The following NRG1 variants were observed in gnomAD, a reference collection of about 807,000 sequenced individuals.
NRG1 encodes pro-neuregulin-1, membrane-bound isoform.
Under a neutral mutation model 63.8 loss-of-function variants are expected in NRG1, and 18 were observed. That is an observed-to-expected ratio of 0.28 (90% confidence interval 0.19 to 0.42). The LOEUF (loss-of-function observed/expected upper bound fraction) is 0.42, where lower values mean the gene tolerates loss of function less well. Among genes scored for constraint, NRG1 ranks in the 10% least tolerant of loss-of-function variants. The probability of loss-of-function intolerance (pLI) is 1.00; values close to 1 mark genes in which losing one functional copy is unlikely to be tolerated. For synonymous variants in NRG1, 302 were observed against 301.3 expected (o/e 1.00, Z -0.02); for missense variants, 762 against 814.7 (o/e 0.94, Z 0.79).
intron 1 of NRG1, among the ~76,000 whole-genome samples, chr8:32,149,053 A>G (rs139011696): frequency 6.6e-6 from 1 of 152,310 alleles, no homozygotes; most frequent in East Asian, 1.9e-4. Flanking sequence ...AGAGTCTACC[A>G]GTTATGTGGA....
At chr8:32,546,439 G>C (rs1259813693), upstream of NRG1, among the ~76,000 whole-genome samples, 1 of 152,020 alleles carries the variant, frequency 6.6e-6, no homozygotes, top group African/African-American at 2.4e-5. Context: ...CCCTTATGCT[G>C]TCTCACATCC....
At chr8:32,640,827 G>A (rs1852252237) in intron 5 of NRG1, among the ~76,000 whole-genome samples, 1 of 151,940 alleles carries the variant, frequency 6.6e-6, no homozygotes, top group African/African-American at 2.4e-5. Context: ...CAGGCGTGGT[G>A]GCTCACGACT....
chr8:32,608,615 C>T (rs1845762138), intron 3 of NRG1, among the ~76,000 whole-genome samples: 2 of 152,054 alleles, frequency 1.3e-5, no homozygotes, highest in African/African-American at 4.8e-5. Context: ...GATTCTATGG[C>T]GAAGAACTAG....
intron 1 of NRG1, among the ~76,000 whole-genome samples, chr8:31,780,881 C>G (rs1288048441): frequency 6.6e-6 from 1 of 152,148 alleles, no homozygotes; most frequent in Non-Finnish European, 1.5e-5. Flanking sequence ...GTTTCAGGCA[C>G]CATTCTCTCA....
intron 1 of NRG1, among the ~76,000 whole-genome samples, chr8:32,428,100 A>G (rs556231175): frequency 3.3e-4 from 51 of 152,288 alleles, no homozygotes; most frequent in African/African-American, 1.1e-3. Context: ...TCTCATATTG[A>G]TGTTCACCAT....
chr8:32,024,304 C>A (rs1170436341), intron 1 of NRG1, among the ~76,000 whole-genome samples: 3 of 152,176 alleles, frequency 2.0e-5, no homozygotes, highest in Non-Finnish European at 4.4e-5. Flanking sequence ...GCAAAGTGAG[C>A]CTTTGAGTTC....
In NRG1 at chr8:32,446,529, C is replaced by T. The variant is rs1046829374; in HGVS notation, c.38-149299C>T. 2.8e-4 allele frequency among the ~76,000 whole-genome samples: 43 copies of T among 152,044 alleles called. 1 individual carries two copies. Among genetic ancestry groups the T allele is most frequent in the Non-Finnish European group, 4.4e-5 (3 of 68,006 alleles). Reference sequence around the variant, plus strand: ...AATTAGCTGGGCGTGGTGGTACATGCCTGTAATCCCAGCTACTCAGGAAGC... The same window carrying T: ...AATTAGCTGGGCGTGGTGGTACATGTCTGTAATCCCAGCTACTCAGGAAGC... On this transcript the variant is annotated intron_variant, in intron 1 of 10. Coordinates refer to the NRG1 transcript ENST00000519301.
intron 1 of NRG1, among the ~76,000 whole-genome samples, chr8:31,871,399 C>T (rs193077221): frequency 1.8e-4 from 27 of 152,134 alleles, no homozygotes; most frequent in Admixed American, 7.2e-4. Flanking sequence ...AGAAGAATCT[C>T]ACAAAATCCA....
Position 31,640,018 on chromosome 8 carries a change from C to A in NRG1, c.37+587C>A. The A allele has an allele frequency of 1.8e-6, 2 of 1,132,184 alleles. No individual in the cohort carries two copies. The highest frequency in any genetic ancestry group is 1.1e-6 in the Non-Finnish European group (1 of 926,042). The allele number at this position is 1,132,184 out of a possible 1,614,324, so 70.1% of individuals were successfully genotyped here. A position where few individuals can be genotyped will look rare whatever the true frequency, so the allele number is the denominator to read the frequency against. ...GCGACGCGCCCCGCGCCGCTCCGGG[C>A]GTCCCGGCCCCCGGGCCCAGCGCCC... On this transcript the variant is annotated intron_variant, in intron 1 of 10. Transcript: ENST00000519301. This position sits in a 1 kb window ranked among gnomAD's most constrained non-coding sequence, Gnocchi z 6.3.
At chr8:31,918,873 T>C (rs969455546) in intron 1 of NRG1, among the ~76,000 whole-genome samples, 9 of 152,128 alleles carry the variant, frequency 5.9e-5, no homozygotes, top group Non-Finnish European at 1.2e-4. Flanking sequence ...ATTGCCACAA[T>C]TTCAGCTTCT....
At chr8:32,298,714 C>CAAAAA (rs760147959) in intron 1 of NRG1, among the ~76,000 whole-genome samples, 32 of 90,294 alleles carry the variant, frequency 3.5e-4, no homozygotes, top group East Asian at 8.7e-4. Context: ...AACTCAGTCT[C>CAAAAA]AAAAAAAAAA....
rs939405142 is a variant in NRG1, at chr8:32,574,647, C to T, written c.101-21181C>T. 3.3e-5 allele frequency among the ~76,000 whole-genome samples: 5 copies of T among 152,122 alleles called. No homozygotes were observed. In the East Asian group the frequency reaches 9.7e-4, roughly 29 times the overall value. On this transcript the variant is annotated intron_variant, in intron 1 of 11. Coordinates refer to ENST00000356819, the Ensembl canonical transcript of NRG1. ...CTCCTGCTTTCACCATGTGATGTCCCCCACTACTCCTTTGCCTTCCGTCAT... is the reference window on the plus strand; with the variant it reads ...CTCCTGCTTTCACCATGTGATGTCCTCCACTACTCCTTTGCCTTCCGTCAT...
At chr8:32,388,591 A>G (rs545268732) in intron 1 of NRG1, among the ~76,000 whole-genome samples, 64 of 152,216 alleles carry the variant, frequency 4.2e-4, no homozygotes, top group African/African-American at 1.5e-3. Flanking sequence ...ACAACCCCAC[A>G]GTAGACCATA....
chr8:32,584,388 T>G (rs1292269409), intron 1 of NRG1, among the ~76,000 whole-genome samples: 1 of 152,186 alleles, frequency 6.6e-6, no homozygotes, highest in African/African-American at 2.4e-5. Flanking sequence ...TCCATGGACC[T>G]GCTTAAGAGT....
upstream of NRG1, among the ~76,000 whole-genome samples, chr8:32,545,259 T>TA (rs33949257): frequency 0.11 from 16,231 of 152,158 alleles, 2,060 homozygotes; most frequent in East Asian, 0.59. Context: ...GCGTTTCTCT[T>TA]ACGCTGTCAT....
At chr8:32,482,293 T>G (rs34634880) in intron 1 of NRG1, among the ~76,000 whole-genome samples, 8,022 of 152,158 alleles carry the variant, frequency 0.053, 283 homozygotes, top group Middle Eastern at 0.085. Flanking sequence ...AACAGGAAAT[T>G]GGGAGGAGAG....
chr8:31,847,904 C>A (rs1245697478), intron 1 of NRG1, among the ~76,000 whole-genome samples: 1 of 152,144 alleles, frequency 6.6e-6, no homozygotes, highest in Non-Finnish European at 1.5e-5. Context: ...CCCTTTCTGT[C>A]CAATAATAAA....
chr8:32,141,994 C>T (rs1011740280), intron 1 of NRG1, among the ~76,000 whole-genome samples: 1 of 152,056 alleles, frequency 6.6e-6, no homozygotes, highest in Non-Finnish European at 1.5e-5. Flanking sequence ...TGTTGCTATC[C>T]CTGAAAGTGG....
intron 1 of NRG1, among the ~76,000 whole-genome samples, chr8:32,456,997 T>C (rs1249518012): frequency 6.6e-6 from 1 of 152,046 alleles, no homozygotes; most frequent in African/African-American, 2.4e-5. Context: ...CTGGGCGTGG[T>C]GGTGGGTGCC....
Sources: allele counts gnomAD v4.1 joint callset (sites outside exome capture counted in the v4.1 genomes callset), GRCh38; gene constraint gnomAD v4.1.1; non-coding constraint Gnocchi (gnomAD v3.1); transcripts MANE v1.5; gene names NCBI Gene and HGNC (gene_info 2026-07-23, HGNC 2026-07-21).